Variants in IPO8 observed in about 807,000 individuals in gnomAD.
IPO8 encodes the protein importin-8.
IPO8 carries 65 observed loss-of-function variants against 141.2 expected under a neutral mutation model. That is an observed-to-expected ratio of 0.46 (90% CI 0.38 to 0.57). The LOEUF is 0.57. Ranked by LOEUF, IPO8 falls within the 20% of genes least tolerant of loss-of-function variation. The pLI is 0.00. For synonymous variants in IPO8, 411 were observed against 420.3 expected, an observed-to-expected ratio of 0.98 and a Z score of 0.27; for missense variants, 980 against 1,246.8, an observed-to-expected ratio of 0.79 and a Z score of 3.22.
chr12:30,642,486 C>T (rs1172618779), intron 20 of IPO8, among the ~76,000 whole-genome samples: 2 of 151,606 alleles, frequency 1.3e-5, no homozygotes, highest in African/African-American at 4.8e-5. Flanking sequence ...CTAAAAAAAG[C>T]CAAACAACAT....
At chr12:30,642,950 A>G (rs2052594606) in intron 20 of IPO8, among the ~76,000 whole-genome samples, 1 of 152,344 alleles carries the variant, frequency 6.6e-6, no homozygotes, top group Non-Finnish European at 1.5e-5. Context: ...CTATACATTC[A>G]TAAGGATACT....
chr12:30,681,581 C>T, intron 4 of IPO8, 78 bp downstream of exon 4: 1 of 1,383,844 alleles, frequency 7.2e-7, no homozygotes, highest in Middle Eastern at 1.8e-4. Context: ...AGAACATCCA[C>T]AACAGACCAC....
intron 6 of IPO8, among the ~76,000 whole-genome samples, chr12:30,675,364 G>A (rs1220261573): frequency 1.3e-5 from 2 of 152,046 alleles, no homozygotes; most frequent in Non-Finnish European, 2.9e-5. Flanking sequence ...TGTAACTGAG[G>A]GCACACTTTA....
At chr12:30,668,906 C>T (rs1403450273) in intron 10 of IPO8, among the ~76,000 whole-genome samples, 1 of 152,150 alleles carries the variant, frequency 6.6e-6, no homozygotes, top group Admixed American at 6.5e-5. Context: ...AACGGATGGT[C>T]CCTGCAGATC....
At chr12:30,637,659 T>A (rs536149493) in intron 21 of IPO8, among the ~76,000 whole-genome samples, 1 of 152,148 alleles carries the variant, frequency 6.6e-6, no homozygotes, top group South Asian at 2.1e-4. Flanking sequence ...AGTAAGATAG[T>A]AAGCTGAACT....
At chr12:30,654,779 A>G (rs1050480252) in intron 17 of IPO8, among the ~76,000 whole-genome samples, 1 of 152,112 alleles carries the variant, frequency 6.6e-6, no homozygotes, top group African/African-American at 2.4e-5. Context: ...GCCACTGTGG[A>G]AAGCAGTATG....
intron 22 of IPO8, among the ~76,000 whole-genome samples, chr12:30,636,723 T>G (rs2052506787): frequency 2.0e-5 from 3 of 152,126 alleles, no homozygotes; most frequent in Admixed American, 2.0e-4. Flanking sequence ...ATAAATGTGT[T>G]TCCTAATGTG....
Position 30,676,502 on chromosome 12 carries a change from G to A in IPO8, c.725C>T (p.Pro242Leu). 1 of 1,610,126 alleles carries A rather than the reference G, an allele frequency of 6.2e-7. No individual in the cohort carries two copies. The highest frequency in any genetic ancestry group is 8.5e-7 in the Non-Finnish European group (1 of 1,176,722). ...IFRTIIDRTV[P>L]PETLHIDEDD... is the part of the protein sequence containing the mutation. Reference sequence around the variant, plus strand: ...TTGGGAAAAGCTTTTTCTTACAGGAGGAACGGTCCTGTCGATAATAGTTCG... The same window carrying A: ...TTGGGAAAAGCTTTTTCTTACAGGAAGAACGGTCCTGTCGATAATAGTTCG... Residue 242 changes from proline (P) to leucine (L), a missense_variant, in exon 6 of 25, where the codon CCT (proline) becomes CTT (leucine). Physicochemically the swap from Pro to Leu is moderately conservative, Grantham distance 98. Around this residue, in one of 3 missense-constraint regions of IPO8, gnomAD observed 924 missense variants for 1,153.9 expected, o/e 0.80. Transcript: ENST00000256079.
intron 2 of IPO8, among the ~76,000 whole-genome samples, chr12:30,688,048 G>GA (rs1273145401): frequency 1.3e-5 from 2 of 151,950 alleles, no homozygotes; most frequent in Admixed American, 6.6e-5. Context: ...AAAATGCACT[G>GA]AAAAAAGTAC....
Position 30,630,634 on chromosome 12 carries a change from T to G in IPO8, c.*226A>C. 1 of 506,494 alleles carries G rather than the reference T, an allele frequency of 2.0e-6. No homozygotes were observed. The highest frequency in any genetic ancestry group is 3.5e-6 in the Non-Finnish European group (1 of 288,854). The allele number at this position is 506,494 out of a possible 1,614,324, so 31.4% of individuals were successfully genotyped here. On this transcript the variant is annotated 3_prime_UTR_variant, in exon 25 of 25. Transcript: ENST00000256079. Reference sequence around the variant, plus strand: ...TGGGTTGTCCTTTTCCGTCCAATGATTGTTTTTCTTTCATTTCATACTTAC... The same window carrying G: ...TGGGTTGTCCTTTTCCGTCCAATGAGTGTTTTTCTTTCATTTCATACTTAC...
In IPO8 at chr12:30,630,250, C is replaced by G. The variant is rs4082413; in HGVS notation, c.*610G>C. The G allele has an allele frequency of 0.58, 87,558 of 152,000 alleles. 27,010 individuals carry two copies. Among genetic ancestry groups the G allele is most frequent in the African/African-American group, 0.81 (33,386 of 41,458 alleles). The allele number at this position is 152,000 out of a possible 1,614,324, so 9.4% of individuals were successfully genotyped here. A position where few individuals can be genotyped will look rare whatever the true frequency, so the allele number is the denominator to read the frequency against. On this transcript the variant is annotated 3_prime_UTR_variant, in exon 25 of 25. Transcript: ENST00000256079. The stretch of plus-strand genomic sequence containing the variant: ...CCACAAAACATCTTATGAAAAACCA[C>G]AGCCAGTGCATATTTTATAATACAA...
intron 17 of IPO8, 101 bp from the exon 18 acceptor site, chr12:30,653,193 C>G: frequency 1.0e-6 from 1 of 992,128 alleles, no homozygotes; most frequent in South Asian, 1.4e-5. Flanking sequence ...ACACAGAGTC[C>G]TCCTCTATCC....
chr12:30,647,056 A>G (rs1390045565), intron 20 of IPO8, among the ~76,000 whole-genome samples: 5 of 152,206 alleles, frequency 3.3e-5, no homozygotes, highest in African/African-American at 1.2e-4. Flanking sequence ...TCCTGACCTC[A>G]AAACTTACTA....
Position 30,674,063 on chromosome 12 carries a change from G to T in IPO8, c.836C>A (p.Pro279Gln). The T allele has an allele frequency of 6.3e-7, 1 of 1,575,980 alleles. No homozygotes were observed. The highest frequency in any genetic ancestry group is 8.7e-7 in the Non-Finnish European group (1 of 1,151,556). ...VARLFERYGSPGNVTKEYFEF... is the reference protein window; with the variant it reads ...VARLFERYGSQGNVTKEYFEF... ...AAAGTATTCTTTTGTGACATTTCCT[G>T]GGCTTCCATATCTTAAAATACAAAG... Residue 279 changes from proline (P) to glutamine (Q), a missense_variant, in exon 8 of 25, where the codon CCA becomes CAA. By Grantham distance (76) the Pro-to-Gln change is moderately conservative. Coordinates refer to ENST00000256079, the MANE Select transcript of IPO8 (RefSeq NM_006390.4).
chr12:30,664,064 T>TC (rs1392682778), intron 13 of IPO8, among the ~76,000 whole-genome samples: 2 of 152,236 alleles, frequency 1.3e-5, no homozygotes, highest in African/African-American at 4.8e-5. Flanking sequence ...TTCCTTTTTT[T>TC]CACTCTCATA....
chr12:30,662,440 A>C lies in IPO8; in HGVS notation c.1642T>G (p.Leu548Val). 6.2e-7 allele frequency: 1 copy of C among 1,613,098 alleles called. No homozygotes were observed. Among genetic ancestry groups the C allele is most frequent in the Non-Finnish European group, 8.5e-7 (1 of 1,179,322 alleles). Reference sequence around the variant, plus strand: ...TTTTCTGTCTCTCTAACAATGTGCAACAGTTCCTGCATAATAGGCCTCACA... The same window carrying C: ...TTTTCTGTCTCTCTAACAATGTGCACCAGTTCCTGCATAATAGGCCTCACA... ...PHVRPIMQEL[L>V]HIVRETENDD... The change falls in exon 15 of 25, where the codon TTG (leucine) becomes GTG (valine). Residue 548 changes from leucine to valine, a missense_variant. Physicochemically the swap from Leu to Val is conservative, Grantham distance 32. Transcript: ENST00000256079.
intron 16 of IPO8, 37 bp from the exon 17 acceptor site, chr12:30,656,787 C>T: frequency 1.0e-6 from 1 of 969,584 alleles, no homozygotes; most frequent in Non-Finnish European, 1.5e-6. Context: ...TTAAAATTAT[C>T]ATAATTAATA....
rs367911618 is a variant in IPO8, at chr12:30,653,103, G to A, written c.1949-11C>T. 6 of 1,605,044 alleles carry A rather than the reference G, an allele frequency of 3.7e-6. No homozygotes were observed. In the African/African-American group the frequency reaches 6.7e-5, roughly 18 times the overall value. ...TTTCTTCATAGAATTCTAGAAGAAA[G>A]AAAATCTCTAGTTAGAATGCTAGGA... On this transcript the variant is annotated splice_polypyrimidine_tract_variant and intron_variant, in intron 17 of 24. Coordinates refer to ENST00000256079, the MANE Select transcript of IPO8 (RefSeq NM_006390.4).
intron 20 of IPO8, among the ~76,000 whole-genome samples, chr12:30,645,231 G>T (rs1162813589): frequency 6.6e-6 from 1 of 151,808 alleles, no homozygotes; most frequent in Admixed American, 6.6e-5. Flanking sequence ...AAATTAGCTG[G>T]GTGTGATGGC....
Sources: allele counts gnomAD v4.1 joint callset (sites outside exome capture counted in the v4.1 genomes callset), GRCh38; gene constraint gnomAD v4.1.1; regional missense constraint gnomAD v4.1.1; transcripts MANE v1.5; gene names NCBI Gene and HGNC (gene_info 2026-07-23, HGNC 2026-07-21).